Variants in STK4 observed in about 807,000 individuals in gnomAD.
STK4 encodes the protein serine/threonine kinase 4.
STK4 carries 30 observed loss-of-function variants against 64.9 expected under a neutral mutation model. The observed-to-expected ratio is 0.46, with a 90% CI of 0.35 to 0.63. The LOEUF is 0.63. Among genes scored for constraint, STK4 ranks in the 20% least tolerant of loss-of-function variants. The pLI is 0.01. For missense variants in STK4, 466 were observed against 598.5 expected (o/e 0.78, Z 2.31); for synonymous variants, 177 against 199.0 (o/e 0.89, Z 0.93).
intron 10 of STK4, chr20:45,053,191 G>C (rs1171254856): frequency 2.5e-6 from 4 of 1,605,222 alleles, no homozygotes; most frequent in Non-Finnish European, 2.6e-6. Flanking sequence ...GTAAATGAAT[G>C]TCATCTTTGT....
intron 7 of STK4, among the ~76,000 whole-genome samples, chr20:44,998,457 T>C (rs2067774501): frequency 6.6e-6 from 1 of 152,182 alleles, no homozygotes; most frequent in African/African-American, 2.4e-5. Context: ...GTGATAAATA[T>C]TAGCTATTAT....
Position 44,966,591 on chromosome 20 carries a change from A to G in STK4, c.23A>G (p.Asn8Ser), listed in dbSNP as rs958687601. 3.1e-6 allele frequency: 4 copies of G among 1,272,790 alleles called. No individual in the cohort carries two copies. In the African/African-American group the frequency reaches 4.6e-5, roughly 15 times the overall value. The allele number at this position is 1,272,790 out of a possible 1,614,324, so 78.8% of individuals were successfully genotyped here. The change falls in exon 1 of 11, where the codon AAC (asparagine) becomes AGC (serine). Residue 8 changes from asparagine (N) to serine (S), a missense_variant. Coordinates refer to ENST00000372806, the MANE Select transcript of STK4 (RefSeq NM_006282.5). ...GCCATGGAGACGGTACAGCTGAGGA[A>G]CCCGCCGCGCCGGTGAGGGGCCACT... METVQLR[N>S]PPRRQLKKLD...
At chr20:45,062,739 G>A (rs887197310) in intron 10 of STK4, among the ~76,000 whole-genome samples, 2 of 151,798 alleles carry the variant, frequency 1.3e-5, no homozygotes, top group African/African-American at 2.4e-5. Context: ...AGGCTGGAGC[G>A]CGATCTTGGC....
chr20:45,029,837 T>C (rs2068413603), intron 10 of STK4, among the ~76,000 whole-genome samples: 2 of 152,198 alleles, frequency 1.3e-5, no homozygotes. Context: ...TTCTTTTCTA[T>C]TAGGTACTAT....
At chr20:45,022,986 G>A (rs1277657970) in intron 9 of STK4, among the ~76,000 whole-genome samples, 2 of 152,204 alleles carry the variant, frequency 1.3e-5, no homozygotes, top group East Asian at 3.8e-4. Context: ...TATTTCCTAA[G>A]AAAGAAGATA....
rs1980592073 is a variant in STK4, at chr20:45,077,359, C to CTGG, written c.*2183_*2184insTGG. On this transcript the variant is annotated 3_prime_UTR_variant, in exon 11 of 11. Transcript: ENST00000372806. Reference sequence around the variant, plus strand: ...GCATCCAGGATGCACACCCCTGCACCATTTGCTGTGCGAATTAATAGTTCT... The same window carrying CTGG: ...GCATCCAGGATGCACACCCCTGCACCTGGATTTGCTGTGCGAATTAATAGTTCT... The CTGG allele has an allele frequency of 6.6e-6, 1 of 152,068 alleles. No homozygotes were observed. The highest frequency in any genetic ancestry group is 2.4e-5 in the African/African-American group (1 of 41,422). The allele number at this position is 152,068 out of a possible 1,614,324, so 9.4% of individuals were successfully genotyped here.
Position 45,075,005 on chromosome 20 carries a change from A to C in STK4, c.1306-13A>C, listed in dbSNP as rs1234176746. 9 of 1,613,972 alleles carry C rather than the reference A, an allele frequency of 5.6e-6. No homozygotes were observed. The highest frequency in any genetic ancestry group is 6.8e-6 in the Non-Finnish European group (8 of 1,179,974). On this transcript the variant is annotated splice_polypyrimidine_tract_variant and intron_variant, in intron 10 of 10. Transcript: ENST00000372806. ...AAGCTTTGTCGTGACTATACCTTCCACTTCTCTTCTAGCTTAAGAGTTGGA... is the reference window on the plus strand; with the variant it reads ...AAGCTTTGTCGTGACTATACCTTCCCCTTCTCTTCTAGCTTAAGAGTTGGA...
In STK4 at chr20:45,006,172, T is replaced by G. The variant is rs542241572; in HGVS notation, c.1147+4819T>G. 2.0e-5 allele frequency among the ~76,000 whole-genome samples: 3 copies of G among 151,802 alleles called. 1 individual carries two copies. The South Asian group carries it at 6.2e-4, about 31-fold the overall frequency. The stretch of plus-strand genomic sequence containing the variant: ...TTATTCAGTTTTAGAAAATTCTCTT[T>G]GGTTTCTCTATTATTATTATTTTTT... On this transcript the variant is annotated intron_variant, in intron 9 of 10. Coordinates refer to ENST00000372806, the MANE Select transcript of STK4 (RefSeq NM_006282.5).
intron 9 of STK4, among the ~76,000 whole-genome samples, chr20:45,013,756 T>C (rs1337798134): frequency 6.6e-6 from 1 of 152,182 alleles, no homozygotes; most frequent in Admixed American, 6.5e-5. Flanking sequence ...CAGTTGCTAA[T>C]TGTCTTTCAT....
At chr20:45,059,146 A>C (rs565666289) in intron 10 of STK4, among the ~76,000 whole-genome samples, 1 of 152,142 alleles carries the variant, frequency 6.6e-6, no homozygotes, top group African/African-American at 2.4e-5. Context: ...TCCCTTTTCT[A>C]TCTTAACCAA....
At chr20:45,057,426 A>G (rs895933477) in intron 10 of STK4, among the ~76,000 whole-genome samples, 3 of 152,256 alleles carry the variant, frequency 2.0e-5, no homozygotes, top group Non-Finnish European at 2.9e-5. Context: ...GTTATTAACA[A>G]TCAGACCCTT....
intron 5 of STK4, among the ~76,000 whole-genome samples, chr20:44,992,586 A>G (rs1328490504): frequency 6.6e-6 from 1 of 151,892 alleles, no homozygotes. Flanking sequence ...AGTTCACTGT[A>G]ATCTTGAACT....
intron 5 of STK4, among the ~76,000 whole-genome samples, chr20:44,991,753 C>T (rs2067638510): frequency 6.6e-6 from 1 of 152,016 alleles, no homozygotes; most frequent in South Asian, 2.1e-4. Flanking sequence ...GCCTCAACCA[C>T]CAGGCTTAGG....
chr20:45,029,554 T>A (rs760710351), intron 10 of STK4, among the ~76,000 whole-genome samples: 8 of 152,250 alleles, frequency 5.3e-5, no homozygotes, highest in Non-Finnish European at 1.0e-4. Flanking sequence ...GATATTCTTG[T>A]TACATAGCTT....
chr20:44,984,951 C>A (rs779588193), intron 4 of STK4, among the ~76,000 whole-genome samples: 2 of 151,698 alleles, frequency 1.3e-5, no homozygotes, highest in Admixed American at 1.3e-4. Context: ...TGCTTGTTTC[C>A]TTTTTCAATG....
chr20:45,044,115 T>C (rs933392982), intron 10 of STK4, among the ~76,000 whole-genome samples: 1 of 152,218 alleles, frequency 6.6e-6, no homozygotes, highest in Non-Finnish European at 1.5e-5. Context: ...TTTCCTTACA[T>C]CTCTATACAA....
intron 5 of STK4, among the ~76,000 whole-genome samples, chr20:44,989,585 T>A (rs900733343): frequency 6.6e-6 from 1 of 152,190 alleles, no homozygotes. Context: ...ACAAAATTTT[T>A]AAATTTTGGT....
chr20:44,971,976 T>C, intron 1 of STK4, 102 bp from the exon 2 acceptor site: 2 of 1,135,706 alleles, frequency 1.8e-6, no homozygotes, highest in Non-Finnish European at 2.6e-6. Context: ...GAAGTCTGTA[T>C]AGAGAAGTTC....
In STK4 at chr20:44,978,413, A is replaced by G. The variant is rs201544381; in HGVS notation, c.117-30A>G. 1,630 of 1,598,452 alleles carry G rather than the reference A, an allele frequency of 1.0e-3. 2 individuals carry two copies. The highest frequency in any genetic ancestry group is 1.3e-3 in the Non-Finnish European group (1,482 of 1,174,194). On this transcript the variant is annotated intron_variant, in intron 2 of 10. Coordinates refer to ENST00000372806, the MANE Select transcript of STK4 (RefSeq NM_006282.5). ...TTATATCTTGGCTTGCTTTGACTTT[A>G]TAAATGTTCTTCTTCTCCCAAATGT...
Sources: allele counts gnomAD v4.1 joint callset (sites outside exome capture counted in the v4.1 genomes callset), GRCh38; gene constraint gnomAD v4.1.1; transcripts MANE v1.5; gene names NCBI Gene and HGNC (gene_info 2026-07-23, HGNC 2026-07-21).